PXDNL: variants seen among roughly 807,000 people sequenced by gnomAD.
PXDNL encodes peroxidasin like, also known as probable oxidoreductase PXDNL.
In PXDNL, 145 loss-of-function variants were observed where a neutral mutation model predicts 150.8. The ratio of observed to expected loss-of-function variants is 0.96; its 90% CI spans 0.84 to 1.10. The LOEUF is 1.10. PXDNL is among the 50% of genes least tolerant of loss of function. The pLI is 0.00. For synonymous variants in PXDNL, 757 were observed against 725.7 expected (o/e 1.04, Z -0.69); for missense variants, 2,087 against 1,873.9 (o/e 1.11, Z -2.10).
chr8:51,672,371 G>C (rs950257796), intron 1 of PXDNL, among the ~76,000 whole-genome samples: 2 of 152,158 alleles, frequency 1.3e-5, no homozygotes, highest in Non-Finnish European at 2.9e-5. Context: ...ACAAGGACCA[G>C]GTGGAAATGT....
intron 1 of PXDNL, among the ~76,000 whole-genome samples, chr8:51,693,539 G>A (rs1211324513): frequency 2.0e-5 from 3 of 152,166 alleles, no homozygotes; most frequent in African/African-American, 4.8e-5. Flanking sequence ...TCTGGGAGGC[G>A]GAAGTGAGCA....
At position 51,326,119 on chromosome 8, in the gene PXDNL, A is replaced by C. The variant is rs183529739; in HGVS notation, c.4147-5222T>G. 8.8e-4 allele frequency among the ~76,000 whole-genome samples: 134 copies of C among 152,308 alleles called. 1 individual carries two copies. The highest frequency in any genetic ancestry group is 8.8e-3 in the Admixed American group (134 of 15,286). ...TTCCTGGAGCCCAAGGTCCCTGATC[A>C]GTCTGCTTTCTTGCTCTTCACCATT... On this transcript the variant is annotated intron_variant, in intron 21 of 22. Transcript: ENST00000356297.
chr8:51,742,088 T>A (rs913206576), intron 1 of PXDNL, among the ~76,000 whole-genome samples: 5 of 152,232 alleles, frequency 3.3e-5, no homozygotes, highest in South Asian at 2.1e-4. Flanking sequence ...TCCTGATGCA[T>A]GCCACAACTT....
intron 4 of PXDNL, among the ~76,000 whole-genome samples, chr8:51,553,533 C>G (rs13255974): frequency 0.069 from 10,518 of 152,126 alleles, 462 homozygotes; most frequent in South Asian, 0.1. Context: ...TGTTCTTCAT[C>G]AGTTAGTTCA....
chr8:51,611,252 A>G (rs1352775609), intron 2 of PXDNL, among the ~76,000 whole-genome samples: 1 of 152,252 alleles, frequency 6.6e-6, no homozygotes, highest in African/African-American at 2.4e-5. Context: ...ATTTAGGGAT[A>G]TATGACACCC....
intron 1 of PXDNL, among the ~76,000 whole-genome samples, chr8:51,710,886 C>A (rs1239818185): frequency 1.3e-5 from 2 of 152,044 alleles, no homozygotes; most frequent in Non-Finnish European, 2.9e-5. Context: ...CAAAAAAGGC[C>A]ATGTATGGCA....
intron 1 of PXDNL, among the ~76,000 whole-genome samples, chr8:51,749,890 G>A (rs1415856932): frequency 3.3e-5 from 5 of 151,856 alleles, no homozygotes; most frequent in South Asian, 2.1e-4. Context: ...TAGTAGAGAC[G>A]GGGTTTCACC....
rs547887143 is a variant in PXDNL, at chr8:51,604,264, A to G, written c.237-11566T>C. ...GGAACCAACCCAAATGTCCAACAAC[A>G]ATAGACTGGATTAAGAAAATGTGGC... On this transcript the variant is annotated intron_variant, in intron 2 of 22. Transcript: ENST00000356297. Among the ~76,000 whole-genome samples the G allele has an allele frequency of 6.1e-3, 922 of 152,092 alleles. 8 individuals carry two copies. The highest frequency in any genetic ancestry group is 0.026 in the South Asian group (124 of 4,818).
chr8:51,347,160 T>C (rs1254898235), intron 19 of PXDNL, among the ~76,000 whole-genome samples: 3 of 152,138 alleles, frequency 2.0e-5, no homozygotes, highest in Non-Finnish European at 2.9e-5. Context: ...TTAGGCAGCA[T>C]AAATTGGAAA....
chr8:51,563,114 T>G (rs906653910), intron 3 of PXDNL, among the ~76,000 whole-genome samples: 1 of 151,916 alleles, frequency 6.6e-6, no homozygotes, highest in Non-Finnish European at 1.5e-5. Context: ...AATACCTCCA[T>G]GAAAACAACC....
intron 1 of PXDNL, among the ~76,000 whole-genome samples, chr8:51,796,191 A>G (rs999128022): frequency 6.6e-6 from 1 of 152,186 alleles, no homozygotes; most frequent in African/African-American, 2.4e-5. Context: ...TTGACACCTT[A>G]ACATCACAAT....
At chr8:51,320,167 G>T in intron 22 of PXDNL, 145 bp from the exon 23 acceptor site, 2 of 678,638 alleles carry the variant, frequency 2.9e-6, no homozygotes. Flanking sequence ...GCTCATTTTT[G>T]CATGGTTTCT....
At chr8:51,592,788 C>A (rs926921864) in intron 2 of PXDNL, 90 bp from the exon 3 acceptor site, 4 of 834,290 alleles carry the variant, frequency 4.8e-6, no homozygotes, top group Non-Finnish European at 6.9e-6. Context: ...GTGCTTTACA[C>A]AACAGAAAAA....
chr8:51,458,885 G>T (rs1308881059), intron 8 of PXDNL, among the ~76,000 whole-genome samples: 2 of 152,180 alleles, frequency 1.3e-5, no homozygotes, highest in South Asian at 2.1e-4. Flanking sequence ...CAGAGTGAAG[G>T]CAGGAAAGAT....
At chr8:51,626,818 T>G (rs183081833) in intron 2 of PXDNL, among the ~76,000 whole-genome samples, 2 of 152,284 alleles carry the variant, frequency 1.3e-5, no homozygotes, top group African/African-American at 4.8e-5. Flanking sequence ...TTTGTTATGA[T>G]GAACCAAAGA....
chr8:51,572,786 T>C (rs1018790024), intron 3 of PXDNL, among the ~76,000 whole-genome samples: 11 of 151,840 alleles, frequency 7.2e-5, no homozygotes, highest in Non-Finnish European at 1.5e-4. Context: ...TATTAACTAG[T>C]TCTCTTTTTT....
intron 1 of PXDNL, among the ~76,000 whole-genome samples, chr8:51,698,301 C>T (rs1478665885): frequency 6.6e-6 from 1 of 152,204 alleles, no homozygotes; most frequent in East Asian, 1.9e-4. Flanking sequence ...TTTGCTACTG[C>T]CTTATCAACT....
chr8:51,721,686 C>G (rs894438776), intron 1 of PXDNL: 18 of 468,822 alleles, frequency 3.8e-5, no homozygotes, highest in South Asian at 3.1e-4. Context: ...TTGCCTCATT[C>G]TTGGAAGCCT....
intron 16 of PXDNL, among the ~76,000 whole-genome samples, chr8:51,410,707 C>G (rs1290752155): frequency 1.3e-5 from 2 of 152,090 alleles, no homozygotes; most frequent in African/African-American, 4.8e-5. Flanking sequence ...AATCTGAAAG[C>G]TTTCTATATC....
Sources: allele counts gnomAD v4.1 joint callset (sites outside exome capture counted in the v4.1 genomes callset), GRCh38; gene constraint gnomAD v4.1.1; transcripts MANE v1.5; gene names NCBI Gene and HGNC (gene_info 2026-07-23, HGNC 2026-07-21).